The following SREBF2 variants were observed in gnomAD, a reference collection of about 807,000 sequenced individuals.
The protein encoded by SREBF2 is sterol regulatory element binding transcription factor 2, also known as sterol regulatory element-binding protein 2.
Under a neutral mutation model 113.1 loss-of-function variants are expected in SREBF2, and 55 were observed. The observed-to-expected ratio is 0.49, with a 90% CI of 0.39 to 0.61. The LOEUF is 0.61. Among genes scored for constraint, SREBF2 ranks in the 20% least tolerant of loss-of-function variants. The probability of loss-of-function intolerance (pLI) is 0.00; values close to 1 mark genes in which losing one functional copy is unlikely to be tolerated. For missense variants in SREBF2, 1,349 were observed against 1,487.4 expected (o/e 0.91, Z 1.53); for synonymous variants, 593 against 605.7 (o/e 0.98, Z 0.31).
At chr22:41,862,203 T>C (rs534119619) in intron 1 of SREBF2, among the ~76,000 whole-genome samples, 2 of 152,346 alleles carry the variant, frequency 1.3e-5, no homozygotes, top group African/African-American at 4.8e-5. Flanking sequence ...GTGATATTTA[T>C]GTTACCTCCA....
intron 7 of SREBF2, among the ~76,000 whole-genome samples, chr22:41,875,970 C>G (rs2077194448): frequency 6.6e-6 from 1 of 152,202 alleles, no homozygotes; most frequent in African/African-American, 2.4e-5. Context: ...GAATGAGTGC[C>G]AGATCCAGAA....
At chr22:41,889,924 G>A (rs1181145384) in intron 11 of SREBF2, among the ~76,000 whole-genome samples, 1 of 152,048 alleles carries the variant, frequency 6.6e-6, no homozygotes, top group African/African-American at 2.4e-5. Flanking sequence ...CTTGAACCCA[G>A]GAGTCAGAGG....
At chr22:41,884,526 C>A (rs1000821956) in intron 10 of SREBF2, among the ~76,000 whole-genome samples, 13 of 152,202 alleles carry the variant, frequency 8.5e-5, no homozygotes, top group Admixed American at 8.5e-4. Context: ...TGGAAACACA[C>A]AGTGTGGCTG....
At chr22:41,888,246 C>T (rs1335778997) in intron 11 of SREBF2, among the ~76,000 whole-genome samples, 2 of 152,216 alleles carry the variant, frequency 1.3e-5, no homozygotes, top group Admixed American at 1.3e-4. Context: ...CCTATGTTGT[C>T]TGCTAGACGC....
chr22:41,901,970 T>TG (rs1311702175), intron 16 of SREBF2, among the ~76,000 whole-genome samples: 1 of 152,244 alleles, frequency 6.6e-6, no homozygotes, highest in Non-Finnish European at 1.5e-5. Flanking sequence ...CAGGTGCTTC[T>TG]GCAGCATGCA....
chr22:41,877,980 C>G lies in SREBF2; in HGVS notation c.1618C>G (p.Leu540Val). 4 of 1,614,176 alleles carry G rather than the reference C, an allele frequency of 2.5e-6. No homozygotes were observed. The highest frequency in any genetic ancestry group is 3.4e-6 in the Non-Finnish European group (4 of 1,180,038). The part of the protein sequence containing the change: ...GWFDWMMPTL[L>V]LWLVNGVIVL... The stretch of plus-strand genomic sequence containing the variant: ...GTTTGACTGGATGATGCCTACTCTT[C>G]TCTTATGGCTGGTAAATGGTGTGAT... The change falls in exon 9 of 19, where the codon CTC (leucine) becomes GTC (valine). Residue 540 changes from leucine to valine, a missense_variant. This residue lies in a region of SREBF2 where 699 missense variants were observed against 843.3 expected (regional missense o/e 0.83). Transcript: ENST00000361204.
intron 4 of SREBF2, among the ~76,000 whole-genome samples, chr22:41,871,986 C>G (rs573896587): frequency 2.0e-5 from 3 of 151,298 alleles, no homozygotes; most frequent in Admixed American, 2.0e-4. Flanking sequence ...CGCAGTGGCT[C>G]ACACCTGTAA....
At chr22:41,849,159 G>T (rs1286875158) in intron 1 of SREBF2, among the ~76,000 whole-genome samples, 1 of 152,036 alleles carries the variant, frequency 6.6e-6, no homozygotes, top group Non-Finnish European at 1.5e-5. Flanking sequence ...CTAACACTTT[G>T]CATGCAGTCC....
intron 3 of SREBF2, among the ~76,000 whole-genome samples, chr22:41,869,296 G>GTTTTACT (rs3045466): frequency 2.0e-5 from 3 of 151,278 alleles, no homozygotes; most frequent in East Asian, 1.9e-4. Context: ...GTAGAGACGG[G>GTTTTACT]ATGTTGGCCA....
chr22:41,840,635 T>A (rs2076821225), intron 1 of SREBF2, among the ~76,000 whole-genome samples: 1 of 152,226 alleles, frequency 6.6e-6, no homozygotes, highest in South Asian at 2.1e-4. Flanking sequence ...ATGTCAGAAT[T>A]TTGAAGGCAT....
chr22:41,892,985 T>C (rs1263116555), intron 11 of SREBF2, 132 bp from the exon 12 acceptor site: 1 of 1,091,738 alleles, frequency 9.2e-7, no homozygotes, highest in Non-Finnish European at 1.4e-6. Context: ...CCTGTGGGAG[T>C]CCTATCCCTG....
intron 1 of SREBF2, among the ~76,000 whole-genome samples, chr22:41,864,702 T>C (rs2077059728): frequency 6.6e-6 from 1 of 151,718 alleles, no homozygotes; most frequent in Non-Finnish European, 1.5e-5. Flanking sequence ...ATGCCTGTAG[T>C]CCCAGCACTT....
chr22:41,893,490 TC>T (rs1327341111), intron 12 of SREBF2, among the ~76,000 whole-genome samples: 2 of 152,180 alleles, frequency 1.3e-5, no homozygotes, highest in African/African-American at 4.8e-5. Flanking sequence ...TCAGAAATTG[TC>T]AGTGGCTAAG....
At chr22:41,897,553 T>C (rs991005990) in intron 14 of SREBF2, among the ~76,000 whole-genome samples, 1 of 152,184 alleles carries the variant, frequency 6.6e-6, no homozygotes, top group Non-Finnish European at 1.5e-5. Flanking sequence ...AGACTTTTCA[T>C]CTGGGCCTCT....
At chr22:41,864,822 G>A (rs949188917) in intron 1 of SREBF2, among the ~76,000 whole-genome samples, 3 of 152,024 alleles carry the variant, frequency 2.0e-5, no homozygotes, top group African/African-American at 7.2e-5. Flanking sequence ...CATGGTTGGC[G>A]CACACCTGTG....
intron 4 of SREBF2, among the ~76,000 whole-genome samples, chr22:41,873,304 A>G: frequency 6.6e-6 from 1 of 152,230 alleles, no homozygotes; most frequent in East Asian, 1.9e-4. Flanking sequence ...TACTTAATCA[A>G]ATGGCTCTTA....
At chr22:41,843,205 T>C (rs148118100) in intron 1 of SREBF2, among the ~76,000 whole-genome samples, 13 of 152,372 alleles carry the variant, frequency 8.5e-5, no homozygotes, top group African/African-American at 3.1e-4. Context: ...TGATGTTCTC[T>C]AAGTGAACGT....
At chr22:41,894,724 C>T in intron 12 of SREBF2, 96 bp from the exon 13 acceptor site, 1 of 1,053,244 alleles carries the variant, frequency 9.5e-7, no homozygotes, top group African/African-American at 1.6e-5. Context: ...GATCCCCATT[C>T]ACAAGGCATG....
intron 13 of SREBF2, among the ~76,000 whole-genome samples, chr22:41,896,091 A>G (rs946805125): frequency 1.3e-5 from 2 of 151,630 alleles, no homozygotes; most frequent in East Asian, 2.0e-4. Flanking sequence ...CAGTGAGCCA[A>G]GATTGCGCCA....
Sources: allele counts gnomAD v4.1 joint callset (sites outside exome capture counted in the v4.1 genomes callset), GRCh38; gene constraint gnomAD v4.1.1; regional missense constraint gnomAD v4.1.1; transcripts MANE v1.5; gene names NCBI Gene and HGNC (gene_info 2026-07-23, HGNC 2026-07-21).